Variants in MOSPD1 observed in about 807,000 individuals in gnomAD.
The protein encoded by MOSPD1 is motile sperm domain containing 1.
A neutral mutation model predicts 16.7 loss-of-function variants in MOSPD1; 5 were observed. The ratio of observed to expected loss-of-function variants is 0.30; its 90% CI spans 0.16 to 0.63. MOSPD1 has a LOEUF of 0.63. Ranked by LOEUF, MOSPD1 falls within the 30% of genes least tolerant of loss-of-function variation. The pLI is 0.82. For synonymous variants in MOSPD1, 67 were observed against 59.2 expected, an observed-to-expected ratio of 1.13 and a Z score of -0.61; for missense variants, 104 against 153.6, an observed-to-expected ratio of 0.68 and a Z score of 1.71.
chrX:134,895,218 G>C (rs1053073893), intron 4 of MOSPD1, among the ~76,000 whole-genome samples: 3 of 109,921 alleles, frequency 2.7e-5, no homozygotes, highest in Non-Finnish European at 5.7e-5. Context: ...CCAGCTACTC[G>C]GGAGGCTGAG....
At chrX:134,894,354 CT>C (rs1485173568) in intron 4 of MOSPD1, among the ~76,000 whole-genome samples, 8 of 112,073 alleles carry the variant, frequency 7.1e-5, no homozygotes, top group African/African-American at 2.6e-4. Flanking sequence ...TCTCACAACA[CT>C]GCTGCACCTC....
intron 1 of MOSPD1, among the ~76,000 whole-genome samples, chrX:134,909,163 C>G (rs1287072523): frequency 9.2e-6 from 1 of 108,661 alleles, no homozygotes; most frequent in Admixed American, 9.8e-5. Flanking sequence ...CCCAGCTACT[C>G]GGGAGGCTGA....
intron 4 of MOSPD1, among the ~76,000 whole-genome samples, chrX:134,893,532 A>G (rs1026351778): frequency 2.7e-5 from 3 of 112,107 alleles, no homozygotes; most frequent in African/African-American, 9.7e-5. Context: ...AAAATATGTT[A>G]TAAAGATACA....
rs756050636 is a variant in MOSPD1, at chrX:134,899,313, A to T, written c.121T>A (p.Tyr41Asn). The change falls in exon 2 of 6, where the codon TAC becomes AAC. Residue 41 changes from tyrosine to asparagine, a missense_variant. By Grantham distance (143) the Tyr-to-Asn change is moderately radical (BLOSUM62 -2). Around this residue, in one of 3 missense-constraint regions of MOSPD1, gnomAD observed 21 missense variants for 52.6 expected, o/e 0.40. Transcript: ENST00000370783. ...QSTHKQVLTL[Y>N]NPYEFALKFK... ...TTTAAGGCAAACTCATAGGGATTGT[A>T]CAGTGTCAACACTTGCTTATGTGTT... The T allele has an allele frequency of 8.4e-7, 1 of 1,190,004 alleles. No homozygotes were observed. Among genetic ancestry groups the T allele is most frequent in the Non-Finnish European group, 1.1e-6 (1 of 888,708 alleles).
chrX:134,909,598 A>G (rs1418557995), intron 1 of MOSPD1, among the ~76,000 whole-genome samples: 1 of 112,136 alleles, frequency 8.9e-6, no homozygotes. Flanking sequence ...TAGTCTCACT[A>G]GCATTAAAAC....
At chrX:134,904,672 A>G (rs1341008541) in intron 1 of MOSPD1, among the ~76,000 whole-genome samples, 4 of 110,369 alleles carry the variant, frequency 3.6e-5, no homozygotes, top group Admixed American at 1.9e-4. Context: ...GACCAGCCTG[A>G]CCAACACGGT....
At chrX:134,897,909 C>T (rs1308478936) in intron 3 of MOSPD1, among the ~76,000 whole-genome samples, 1 of 111,907 alleles carries the variant, frequency 8.9e-6, no homozygotes, top group Non-Finnish European at 1.9e-5. Flanking sequence ...ACTTTTGTTG[C>T]CCAGGCTGGA....
intron 4 of MOSPD1, 99 bp downstream of exon 4, chrX:134,896,718 G>A: frequency 1.6e-6 from 1 of 610,684 alleles, no homozygotes; most frequent in Non-Finnish European, 2.6e-6. Flanking sequence ...GTTTGAAGTG[G>A]TAGATGATTT....
At chrX:134,910,909 T>C (rs2082967886) in intron 1 of MOSPD1, among the ~76,000 whole-genome samples, 1 of 112,448 alleles carries the variant, frequency 8.9e-6, no homozygotes, top group Non-Finnish European at 1.9e-5. Flanking sequence ...CTAGACCTAC[T>C]GAATCAGAAA....
At chrX:134,889,848 A>C (rs1212989990) in intron 5 of MOSPD1, among the ~76,000 whole-genome samples, 3 of 110,916 alleles carry the variant, frequency 2.7e-5, no homozygotes, top group Non-Finnish European at 5.7e-5. Flanking sequence ...GGGCAGGTGG[A>C]TCACACGAGG....
intron 1 of MOSPD1, among the ~76,000 whole-genome samples, chrX:134,901,866 C>T (rs967335178): frequency 2.7e-5 from 3 of 111,836 alleles, no homozygotes; most frequent in African/African-American, 9.7e-5. Flanking sequence ...ACAACAGTGT[C>T]GGATGTGTTT....
At chrX:134,895,721 C>G (rs372555660) in intron 4 of MOSPD1, among the ~76,000 whole-genome samples, 1 of 111,577 alleles carries the variant, frequency 9.0e-6, no homozygotes, top group African/African-American at 3.3e-5. Context: ...CTGGTCCTGT[C>G]AGTTGATAAT....
intron 1 of MOSPD1, among the ~76,000 whole-genome samples, chrX:134,907,439 A>G (rs150095979): frequency 1.4e-3 from 161 of 112,371 alleles, no homozygotes; most frequent in African/African-American, 5.1e-3. Context: ...TGAGTGGCAC[A>G]CACTATTTTC....
Position 134,891,631 on chromosome X carries a change from G to T in MOSPD1, c.458C>A (p.Ala153Asp). 8.3e-7 allele frequency: 1 copy of T among 1,204,780 alleles called. No individual in the cohort carries two copies. The highest frequency in any genetic ancestry group is 1.8e-5 in the South Asian group (1 of 55,099). The stretch of plus-strand genomic sequence containing the variant: ...TAGTAAACTAGGTCCTGAGGATACA[G>T]CTCTGTTTTCTGTAAAAAGACAAAA... ...FEQSFQPENR[A>D]VSSGPSLLTV... The change falls in exon 5 of 6, where the codon GCT (alanine) becomes GAT (aspartate). Residue 153 changes from alanine (A) to aspartate (D), a missense_variant. By Grantham distance (126) the Ala-to-Asp change is moderately radical (BLOSUM62 -2). Around this residue, in one of 3 missense-constraint regions of MOSPD1, gnomAD observed 68 missense variants for 73.1 expected, o/e 0.93. Transcript: ENST00000370783.
At chrX:134,904,722 C>T (rs1395914891) in intron 1 of MOSPD1, among the ~76,000 whole-genome samples, 7 of 110,070 alleles carry the variant, frequency 6.4e-5, no homozygotes, top group African/African-American at 2.3e-4. Flanking sequence ...ATTAGCCGGG[C>T]GTGGTGGTAC....
rs2082984683 is a variant in MOSPD1, at chrX:134,913,765, A to T, written c.-102+1417T>A. On this transcript the variant is annotated intron_variant, in intron 1 of 5. Coordinates refer to ENST00000370783, the MANE Select transcript of MOSPD1 (RefSeq NM_019556.3). ...CAGCTATCCCTTACAGAGTTGAAAAATTCCAAAATTTCAACTCTCCTAGTA... is the reference window on the plus strand; with the variant it reads ...CAGCTATCCCTTACAGAGTTGAAAATTTCCAAAATTTCAACTCTCCTAGTA... 3.6e-5 allele frequency among the ~76,000 whole-genome samples: 4 copies of T among 111,949 alleles called. No homozygotes were observed. In the South Asian group the frequency reaches 1.1e-3, roughly 31 times the overall value.
At chrX:134,910,156 C>A (rs1203287014) in intron 1 of MOSPD1, among the ~76,000 whole-genome samples, 1 of 111,512 alleles carries the variant, frequency 9.0e-6, no homozygotes, top group African/African-American at 3.3e-5. Context: ...ATAATCCCAG[C>A]ATTTTGGGAG....
intron 1 of MOSPD1, among the ~76,000 whole-genome samples, chrX:134,912,730 G>C (rs1330354943): frequency 2.7e-4 from 29 of 107,084 alleles, no homozygotes; most frequent in Non-Finnish European, 9.6e-5. Context: ...ACGAGGTCAG[G>C]AGATCGAGAC....
At chrX:134,891,389 G>A in intron 5 of MOSPD1, 90 bp downstream of exon 5, 3 of 901,801 alleles carry the variant, frequency 3.3e-6, no homozygotes, top group Non-Finnish European at 4.6e-6. Flanking sequence ...CCTGTTCTTT[G>A]GGAAAAAAAA....
Sources: allele counts gnomAD v4.1 joint callset (sites outside exome capture counted in the v4.1 genomes callset), GRCh38; gene constraint gnomAD v4.1.1; regional missense constraint gnomAD v4.1.1; transcripts MANE v1.5; gene names NCBI Gene and HGNC (gene_info 2026-07-23, HGNC 2026-07-21).